Variants in ABCA12 observed in about 807,000 individuals in gnomAD.
ABCA12 encodes the protein ATP binding cassette subfamily A member 12, also known as glucosylceramide transporter ABCA12.
ABCA12 carries 156 observed loss-of-function variants against 293.5 expected under a neutral mutation model. The observed-to-expected ratio is 0.53, with a 90% CI of 0.47 to 0.61. The LOEUF is 0.61. ABCA12 is among the 20% of genes least tolerant of loss of function. The probability of loss-of-function intolerance (pLI) is 0.00; values close to 1 mark genes in which losing one functional copy is unlikely to be tolerated. For synonymous variants in ABCA12, 1,063 were observed against 1,108.0 expected, an observed-to-expected ratio of 0.96 and a Z score of 0.81; for missense variants, 2,797 against 3,090.2, an observed-to-expected ratio of 0.91 and a Z score of 2.25.
chr2:214,965,620 A>G (rs1033999291), intron 39 of ABCA12, among the ~76,000 whole-genome samples: 53 of 152,202 alleles, frequency 3.5e-4, no homozygotes, highest in African/African-American at 1.3e-3. Context: ...GCCAATAAAC[A>G]CATGAAAAAA....
rs1282647981 is a variant in ABCA12 at position 214,982,241 on chromosome 2, C to T, written c.4525G>A (p.Val1509Ile). 1 of 1,614,070 alleles carries T rather than the reference C, an allele frequency of 6.2e-7. No homozygotes were observed. Among genetic ancestry groups the T allele is most frequent in the Non-Finnish European group, 8.5e-7 (1 of 1,180,006 alleles). Residue 1509 changes from valine to isoleucine, a missense_variant, in exon 30 of 53, where the codon GTT (valine) becomes ATT (isoleucine). Physicochemically the swap from Val to Ile is conservative, Grantham distance 29. Around this residue, in one of 3 missense-constraint regions of ABCA12, gnomAD observed 2,130 missense variants for 2,427.0 expected, o/e 0.88. Coordinates refer to ENST00000272895, the MANE Select transcript of ABCA12 (RefSeq NM_173076.3). ...VVILDEPSTG[V>I]DPCSRRSIWD... ...ATACTTCGGCGAGAACATGGGTCAACTCCAGTAGATGGTTCATCCAAAATT... is the reference window on the plus strand; with the variant it reads ...ATACTTCGGCGAGAACATGGGTCAATTCCAGTAGATGGTTCATCCAAAATT...
Position 214,997,758 on chromosome 2 carries a change from C to G in ABCA12, c.3231G>C (p.Trp1077Cys). The change falls in exon 23 of 53, where the codon TGG becomes TGC. Residue 1077 changes from tryptophan (W) to cysteine (C), a missense_variant. Physicochemically the swap from Trp to Cys is radical, Grantham distance 215. This residue lies in a region of ABCA12 where 2,130 missense variants were observed against 2,427.0 expected (regional missense o/e 0.88). Coordinates refer to ENST00000272895, the MANE Select transcript of ABCA12 (RefSeq NM_173076.3). The stretch of plus-strand genomic sequence containing the variant: ...TTACAAAGGCAGCTATAAATACAAC[C>G]CAGGCAACCATAAGCACAATTGGAA... ...YSLPIVLMVA[W>C]VVFIAAFVKK... 2 of 1,613,530 alleles carry G rather than the reference C, an allele frequency of 1.2e-6. No individual in the cohort carries two copies. The highest frequency in any genetic ancestry group is 1.7e-6 in the Non-Finnish European group (2 of 1,179,696).
At chr2:214,974,698 G>C (rs1030416502) in intron 35 of ABCA12, 80 bp downstream of exon 35, 15 of 1,327,654 alleles carry the variant, frequency 1.1e-5, no homozygotes, top group Admixed American at 1.7e-5. Flanking sequence ...GCAAATAACA[G>C]ACACACACAC....
intron 9 of ABCA12, chr2:215,029,155 C>T (rs1190464728): frequency 1.5e-5 from 2 of 137,438 alleles, no homozygotes; most frequent in Non-Finnish European, 3.1e-5. Flanking sequence ...AAGAATGATC[C>T]ATTTAGTTTT....
intron 5 of ABCA12, chr2:215,050,958 A>G (rs1701309338): frequency 3.0e-6 from 1 of 338,300 alleles, no homozygotes; most frequent in African/African-American, 2.2e-5. Context: ...ATACATAGAA[A>G]TTTCATTTTT....
At chr2:215,006,808 A>G (rs1004536292) in intron 19 of ABCA12, among the ~76,000 whole-genome samples, 3 of 150,116 alleles carry the variant, frequency 2.0e-5, no homozygotes, top group South Asian at 4.2e-4. Context: ...TCAGTTGCCA[A>G]TATCTCTGTG....
intron 8 of ABCA12, 102 bp from the exon 9 acceptor site, chr2:215,031,998 GCAGA>G: frequency 6.3e-7 from 1 of 1,580,952 alleles, no homozygotes; most frequent in Non-Finnish European, 8.6e-7. Context: ...AGGAGAAAAT[GCAGA>G]AATCTGCAGA....
At chr2:215,029,463 C>T (rs1454774900) in intron 9 of ABCA12, 1 of 152,114 alleles carries the variant, frequency 6.6e-6, no homozygotes, top group Admixed American at 6.6e-5. Context: ...GTCTTTCTGT[C>T]TGTCATCATT....
At chr2:214,982,565 A>T (rs764551555) in intron 29 of ABCA12, among the ~76,000 whole-genome samples, 182 bp from the exon 30 acceptor site, 5 of 152,208 alleles carry the variant, frequency 3.3e-5, no homozygotes, top group Non-Finnish European at 7.3e-5. Context: ...TACAAAATTA[A>T]TACTCAAAAA....
At chr2:214,995,694 T>C (rs1700017888) in intron 23 of ABCA12, among the ~76,000 whole-genome samples, 1 of 152,150 alleles carries the variant, frequency 6.6e-6, no homozygotes, top group Non-Finnish European at 1.5e-5. Flanking sequence ...CTCCATCAAT[T>C]CATTTCATAA....
chr2:214,954,542 C>T (rs1321427721), intron 43 of ABCA12, among the ~76,000 whole-genome samples: 2 of 152,178 alleles, frequency 1.3e-5, no homozygotes, highest in Non-Finnish European at 2.9e-5. Context: ...GAAGAGCCAA[C>T]ATGTCTCGAA....
At chr2:214,964,837 A>G (rs1699214908) in intron 39 of ABCA12, among the ~76,000 whole-genome samples, 1 of 152,228 alleles carries the variant, frequency 6.6e-6, no homozygotes, top group Non-Finnish European at 1.5e-5. Flanking sequence ...TATTCCCATT[A>G]AACTACCATT....
intron 52 of ABCA12, 149 bp from the exon 53 acceptor site, chr2:214,932,890 T>C (rs1698104988): frequency 3.0e-6 from 2 of 675,522 alleles, no homozygotes; most frequent in Non-Finnish European, 5.3e-6. Context: ...CAAATCCTAG[T>C]TTTATACATG....
At chr2:214,993,698 T>C (rs138086700) in intron 23 of ABCA12, among the ~76,000 whole-genome samples, 3 of 152,300 alleles carry the variant, frequency 2.0e-5, no homozygotes, top group Non-Finnish European at 4.4e-5. Context: ...GGAGACAATG[T>C]CAATATATTT....
Position 214,978,905 on chromosome 2 carries a change from T to C in ABCA12, c.4876A>G (p.Lys1626Glu). 1 of 1,614,086 alleles carries C rather than the reference T, an allele frequency of 6.2e-7. No individual in the cohort carries two copies. Among genetic ancestry groups the C allele is most frequent in the Non-Finnish European group, 8.5e-7 (1 of 1,179,984 alleles). Reference protein sequence around the residue: ...LVYVLPPFSTKVSGAYLSLLR... With the variant: ...LVYVLPPFSTEVSGAYLSLLR... ...AGTGACAGGTAGGCCCCTGAGACTT[T>C]GGTGCTGAATGGAGGAAGTACATAA... The change falls in exon 32 of 53, where the codon AAA (lysine) becomes GAA (glutamate). Residue 1626 changes from lysine (K) to glutamate (E), a missense_variant. Physicochemically the swap from Lys to Glu is moderately conservative, Grantham distance 56. This residue lies in a region of ABCA12 where 2,130 missense variants were observed against 2,427.0 expected (regional missense o/e 0.88). Coordinates refer to ENST00000272895, the MANE Select transcript of ABCA12 (RefSeq NM_173076.3).
intron 5 of ABCA12, 142 bp downstream of exon 5, chr2:215,052,345 G>T: frequency 4.4e-6 from 3 of 687,228 alleles, no homozygotes; most frequent in South Asian, 1.6e-5. Context: ...TTATTGAAGG[G>T]TTCCTAAGAA....
chr2:214,969,840 G>A (rs1176356356), intron 37 of ABCA12, among the ~76,000 whole-genome samples: 1 of 151,992 alleles, frequency 6.6e-6, no homozygotes, highest in Admixed American at 6.6e-5. Flanking sequence ...TGCTTGGGTG[G>A]CTTAAGTACA....
intron 33 of ABCA12, 65 bp from the exon 34 acceptor site, chr2:214,976,102 G>GCAAT (rs1338052721): frequency 1.3e-6 from 2 of 1,592,458 alleles, no homozygotes; most frequent in East Asian, 4.6e-5. Context: ...AATAACTTCA[G>GCAAT]AAACTATATA....
chr2:214,940,113 C>G (rs751941249), intron 50 of ABCA12, among the ~76,000 whole-genome samples: 3 of 152,110 alleles, frequency 2.0e-5, no homozygotes, highest in African/African-American at 4.8e-5. Flanking sequence ...TCATAAATAG[C>G]TCTCATTATT....
Sources: allele counts gnomAD v4.1 joint callset (sites outside exome capture counted in the v4.1 genomes callset), GRCh38; gene constraint gnomAD v4.1.1; regional missense constraint gnomAD v4.1.1; transcripts MANE v1.5; gene names NCBI Gene and HGNC (gene_info 2026-07-23, HGNC 2026-07-21).